NSUN3: variants seen among roughly 807,000 people sequenced by gnomAD.
NSUN3 encodes the protein tRNA (cytosine(34)-C(5))-methyltransferase, mitochondrial.
Under a neutral mutation model 36.8 loss-of-function variants are expected in NSUN3, and 24 were observed. The observed-to-expected ratio is 0.65, with a 90% CI of 0.47 to 0.92. The LOEUF (loss-of-function observed/expected upper bound fraction) is 0.92. Among genes scored for constraint, NSUN3 ranks in the 40% least tolerant of loss-of-function variants. NSUN3 has a pLI of 0.00. For synonymous variants in NSUN3, 146 were observed against 145.2 expected, an observed-to-expected ratio of 1.01 and a Z score of -0.04; for missense variants, 381 against 392.8, an observed-to-expected ratio of 0.97 and a Z score of 0.25.
chr3:94,113,584 A>T (rs2077427268), intron 5 of NSUN3, among the ~76,000 whole-genome samples: 3 of 152,186 alleles, frequency 2.0e-5, no homozygotes, highest in African/African-American at 7.2e-5. Flanking sequence ...ATGAACAAAG[A>T]AAAAATAGCT....
intron 5 of NSUN3, among the ~76,000 whole-genome samples, chr3:94,097,553 C>T (rs372326769): frequency 1.4e-4 from 21 of 151,894 alleles, no homozygotes; most frequent in African/African-American, 4.4e-4. Flanking sequence ...TTGTCTCATC[C>T]GACAGGTCTG....
At chr3:94,110,400 G>GAAGTTATCAGTGATAACTTTGT (rs1442351097) in intron 5 of NSUN3, among the ~76,000 whole-genome samples, 1 of 127,908 alleles carries the variant, frequency 7.8e-6, no homozygotes, top group Non-Finnish European at 1.7e-5. Context: ...GATAACTTTG[G>GAAGTTATCAGTGATAACTTTGT]GTTACAAAAT....
intron 5 of NSUN3, among the ~76,000 whole-genome samples, chr3:94,111,530 TTTTC>T (rs1432834626): frequency 2.6e-5 from 4 of 152,150 alleles, no homozygotes; most frequent in African/African-American, 9.6e-5. Context: ...TACAAAAATA[TTTTC>T]TTTCTTTATA....
rs2077490994 is a variant in NSUN3 at position 94,127,211 on chromosome 3, A to C, written c.*721A>C. 6.6e-6 allele frequency: 1 copy of C among 152,198 alleles called. No individual in the cohort carries two copies. The highest frequency in any genetic ancestry group is 2.1e-4 in the South Asian group (1 of 4,834). 9.4% of individuals were successfully genotyped at this position (152,198 alleles called of 1,614,324 possible). On this transcript the variant is annotated 3_prime_UTR_variant, in exon 6 of 6. Transcript: ENST00000314622. ...CGACATTCAGCTTATAGAATTATGG[A>C]GTCTATCCAGCAGGCTATAAAGCAA...
intron 5 of NSUN3, among the ~76,000 whole-genome samples, chr3:94,106,142 A>T (rs988776265): frequency 6.6e-6 from 1 of 152,170 alleles, no homozygotes; most frequent in Non-Finnish European, 1.5e-5. Flanking sequence ...AAATATGTTA[A>T]AATTTGTCAT....
At chr3:94,104,561 A>C (rs2077378277) in intron 5 of NSUN3, among the ~76,000 whole-genome samples, 1 of 152,210 alleles carries the variant, frequency 6.6e-6, no homozygotes, top group African/African-American at 2.4e-5. Flanking sequence ...ACCAGCTATT[A>C]GACAGAAAAT....
At chr3:94,106,190 T>C (rs1464474829) in intron 5 of NSUN3, among the ~76,000 whole-genome samples, 1 of 152,206 alleles carries the variant, frequency 6.6e-6, no homozygotes, top group Non-Finnish European at 1.5e-5. Flanking sequence ...CATTACTCTG[T>C]TGTACTAGTA....
At chr3:94,086,242 C>T (rs1055208379) in intron 3 of NSUN3, among the ~76,000 whole-genome samples, 3 of 152,196 alleles carry the variant, frequency 2.0e-5, no homozygotes, top group Non-Finnish European at 4.4e-5. Flanking sequence ...GACTTATTCA[C>T]TTCCTCAGCC....
At chr3:94,091,344 A>G (rs2077314167) in intron 3 of NSUN3, among the ~76,000 whole-genome samples, 2 of 152,076 alleles carry the variant, frequency 1.3e-5, no homozygotes, top group Non-Finnish European at 2.9e-5. Flanking sequence ...AAAATAGAGA[A>G]AGAGAGAGAG....
At chr3:94,096,695 T>G (rs1291024667) in intron 5 of NSUN3, among the ~76,000 whole-genome samples, 3 of 152,142 alleles carry the variant, frequency 2.0e-5, no homozygotes, top group Non-Finnish European at 4.4e-5. Context: ...GACGGGGGTT[T>G]CACCATGTTG....
chr3:94,097,892 C>G (rs1576092654), intron 5 of NSUN3, among the ~76,000 whole-genome samples: 1 of 152,040 alleles, frequency 6.6e-6, no homozygotes, highest in East Asian at 1.9e-4. Context: ...CTGATATCTC[C>G]CAATACATGA....
At chr3:94,071,181 A>G (rs1186841749) in intron 2 of NSUN3, among the ~76,000 whole-genome samples, 1 of 152,196 alleles carries the variant, frequency 6.6e-6, no homozygotes, top group Non-Finnish European at 1.5e-5. Context: ...TACTTTTATA[A>G]GTTGTTTTGA....
At chr3:94,077,263 AC>A in intron 2 of NSUN3, 1 of 578,478 alleles carries the variant, frequency 1.7e-6, no homozygotes, top group South Asian at 2.0e-5. Flanking sequence ...CATATGTTGA[AC>A]CAGTCTTGCA....
intron 5 of NSUN3, among the ~76,000 whole-genome samples, chr3:94,123,789 A>T (rs1427793370): frequency 6.6e-6 from 1 of 151,596 alleles, no homozygotes; most frequent in Non-Finnish European, 1.5e-5. Context: ...TGCTTGGCTC[A>T]CTCCCTTACC....
intron 3 of NSUN3, among the ~76,000 whole-genome samples, chr3:94,089,008 T>G (rs1429213383): frequency 1.3e-5 from 2 of 152,196 alleles, no homozygotes; most frequent in African/African-American, 4.8e-5. Flanking sequence ...CAAATAGCAC[T>G]GGCCTAGTCC....
chr3:94,130,237 G>A lies in NSUN3; in HGVS notation c.*3747G>A, dbSNP rs968175353. Among the ~76,000 whole-genome samples, 3 of 152,122 alleles carry A rather than the reference G, an allele frequency of 2.0e-5. No homozygotes were observed. The highest frequency in any genetic ancestry group is 4.4e-5 in the Non-Finnish European group (3 of 68,030). On this transcript the variant is annotated 3_prime_UTR_variant, in exon 6 of 6. Transcript: ENST00000314622. ...ATATGAAGTGGGGGTGGGGGCCAAGGAGCTATTACTGCTGTTTGGAAATAC... is the reference window on the plus strand; with the variant it reads ...ATATGAAGTGGGGGTGGGGGCCAAGAAGCTATTACTGCTGTTTGGAAATAC...
At chr3:94,108,142 A>G (rs1371496632) in intron 5 of NSUN3, among the ~76,000 whole-genome samples, 2 of 151,986 alleles carry the variant, frequency 1.3e-5, no homozygotes, top group African/African-American at 2.4e-5. Context: ...GAATAGTACA[A>G]GGAGCTCCTG....
At chr3:94,095,702 C>G (rs182625729) in intron 5 of NSUN3, among the ~76,000 whole-genome samples, 5 of 152,178 alleles carry the variant, frequency 3.3e-5, no homozygotes, top group African/African-American at 1.2e-4. Context: ...ATGCCCTACT[C>G]CCATGTAATT....
At chr3:94,083,216 A>T (rs997523728) in intron 2 of NSUN3, among the ~76,000 whole-genome samples, 1 of 151,972 alleles carries the variant, frequency 6.6e-6, no homozygotes, top group Non-Finnish European at 1.5e-5. Context: ...CAGTAATCAT[A>T]ATGTTAACAG....
Sources: allele counts gnomAD v4.1 joint callset (sites outside exome capture counted in the v4.1 genomes callset), GRCh38; gene constraint gnomAD v4.1.1; transcripts MANE v1.5; gene names NCBI Gene and HGNC (gene_info 2026-07-23, HGNC 2026-07-21).